The following CHKA variants were observed in gnomAD, a reference collection of about 807,000 sequenced individuals.
CHKA encodes CHETK-alpha.
Under a neutral mutation model 60.1 loss-of-function variants are expected in CHKA, and 34 were observed. The observed-to-expected ratio is 0.57, with a 90% confidence interval of 0.43 to 0.75. The LOEUF is 0.75. Among genes scored for constraint, CHKA ranks in the 30% least tolerant of loss-of-function variants. CHKA has a pLI of 0.00. For synonymous variants in CHKA, 217 were observed against 223.1 expected (o/e 0.97, Z 0.24); for missense variants, 563 against 561.3 (o/e 1.00, Z -0.03).
intron 4 of CHKA, among the ~76,000 whole-genome samples, chr11:68,073,469 C>T (rs1432335038): frequency 6.6e-6 from 1 of 152,134 alleles, no homozygotes; most frequent in African/African-American, 2.4e-5. Flanking sequence ...GCCTAGCCAA[C>T]ATGGAGAAAC....
intron 2 of CHKA, among the ~76,000 whole-genome samples, chr11:68,082,340 A>C (rs566177140): frequency 9.8e-5 from 15 of 152,316 alleles, no homozygotes; most frequent in Admixed American, 3.9e-4. Flanking sequence ...GTGTCACGTC[A>C]AACTTTTATA....
intron 2 of CHKA, 105 bp from the exon 3 acceptor site, chr11:68,081,562 C>T (rs531551554): frequency 1.1e-6 from 1 of 890,722 alleles, no homozygotes; most frequent in African/African-American, 1.7e-5. Context: ...CATCACAGGT[C>T]TTTAAGGAAG....
At chr11:68,068,977 A>C in intron 6 of CHKA, 40 bp from the exon 7 acceptor site, 10 of 1,502,722 alleles carry the variant, frequency 6.7e-6, no homozygotes, top group African/African-American at 2.7e-5. Context: ...CACGCTTCTC[A>C]GTCAGCTGCA....
chr11:68,097,216 G>T (rs1857543538), intron 1 of CHKA, 86 bp from the exon 2 acceptor site: 5 of 968,340 alleles, frequency 5.2e-6, no homozygotes, highest in Admixed American at 2.1e-5. Context: ...AAAAGTCAGG[G>T]TTACACAAGA....
chr11:68,112,876 A>T (rs1239659024), intron 1 of CHKA, among the ~76,000 whole-genome samples: 5 of 151,592 alleles, frequency 3.3e-5, no homozygotes, highest in Non-Finnish European at 7.4e-5. Flanking sequence ...AGGTCAGGAG[A>T]TCAAGACCAT....
intron 4 of CHKA, among the ~76,000 whole-genome samples, chr11:68,074,280 G>A (rs1856713990): frequency 6.6e-6 from 1 of 152,182 alleles, no homozygotes; most frequent in Non-Finnish European, 1.5e-5. Flanking sequence ...ATGGGAGGTA[G>A]GGAGACTCAG....
chr11:68,056,095 G>T (rs1218229757), intron 11 of CHKA, among the ~76,000 whole-genome samples: 3 of 152,148 alleles, frequency 2.0e-5, no homozygotes, highest in African/African-American at 7.2e-5. Context: ...GCTGAGTTAT[G>T]AGTTCTTTAT....
intron 1 of CHKA, among the ~76,000 whole-genome samples, chr11:68,101,554 T>C (rs1001770844): frequency 6.6e-6 from 1 of 151,290 alleles, no homozygotes; most frequent in African/African-American, 2.4e-5. Context: ...GCCCAGGAGG[T>C]CAAGGCTGGA....
intron 11 of CHKA, among the ~76,000 whole-genome samples, chr11:68,059,067 T>C (rs2134491175): frequency 6.6e-6 from 1 of 152,300 alleles, no homozygotes; most frequent in East Asian, 1.9e-4. Context: ...TGGCTAATTC[T>C]GTATTTTAGT....
chr11:68,073,620 C>T (rs551816151), intron 4 of CHKA, among the ~76,000 whole-genome samples: 57 of 152,236 alleles, frequency 3.7e-4, no homozygotes, highest in Non-Finnish European at 6.6e-4. Flanking sequence ...GACAGTGCCA[C>T]TGTCAACTAG....
chr11:68,087,997 C>T (rs1188446885), intron 2 of CHKA, among the ~76,000 whole-genome samples: 2 of 151,218 alleles, frequency 1.3e-5, no homozygotes, highest in African/African-American at 2.4e-5. Flanking sequence ...CCTGTAATCC[C>T]AGCTACTCAG....
intron 1 of CHKA, among the ~76,000 whole-genome samples, chr11:68,097,451 G>A (rs755000434): frequency 2.3e-4 from 35 of 151,930 alleles, no homozygotes; most frequent in Non-Finnish European, 4.0e-4. Context: ...TGGCTAACAC[G>A]GTGAAACCCC....
intron 1 of CHKA, among the ~76,000 whole-genome samples, chr11:68,098,703 TA>T (rs1293276052): frequency 6.6e-6 from 1 of 152,174 alleles, no homozygotes. Context: ...TTTATTTATT[TA>T]TTTTTTTCAG....
rs1401293191 is a variant in CHKA, at chr11:68,116,530, G to A, written c.350+4298C>T. Among the ~76,000 whole-genome samples, 4 of 151,990 alleles carry A rather than the reference G, an allele frequency of 2.6e-5. No individual in the cohort carries two copies. In the East Asian group the frequency reaches 7.8e-4, roughly 29 times the overall value. On this transcript the variant is annotated intron_variant, in intron 1 of 11. Transcript: ENST00000265689. ...AGTTCAAGACCAGCCTGGCCAACAT[G>A]TGAAACCTTGTATCTACTAAAGATA...
chr11:68,105,050 GT>G (rs1857861785), intron 1 of CHKA, among the ~76,000 whole-genome samples: 1 of 151,736 alleles, frequency 6.6e-6, no homozygotes. Context: ...GCTGCAGTGA[GT>G]TGAGATCGTA....
chr11:68,120,716 CGGCT>C, intron 1 of CHKA, 108 bp downstream of exon 1: 1 of 205,924 alleles, frequency 4.9e-6, no homozygotes, highest in Non-Finnish European at 9.3e-6. Context: ...GCCCCGGCCC[CGGCT>C]CCCCCGGCCC....
rs865972858 is a variant in CHKA, at chr11:68,073,496, C to G, written c.630+1221G>C. On this transcript the variant is annotated intron_variant, in intron 4 of 11. Coordinates refer to ENST00000265689, the MANE Select transcript of CHKA (RefSeq NM_001277.3). ...TGGAGAAACCCTGTCTCTACTAAAA[C>G]ATAGCCAGGTGCCAGGGAGCAAACT... Among the ~76,000 whole-genome samples the G allele has an allele frequency of 6.6e-5, 10 of 152,242 alleles. No individual in the cohort carries two copies. In the South Asian group the frequency reaches 1.7e-3, roughly 25 times the overall value.
At chr11:68,094,517 G>A (rs1857441087) in intron 2 of CHKA, among the ~76,000 whole-genome samples, 1 of 152,144 alleles carries the variant, frequency 6.6e-6, no homozygotes, top group Admixed American at 6.5e-5. Context: ...CTACAGCCTG[G>A]GTGGCAAAGT....
intron 3 of CHKA, among the ~76,000 whole-genome samples, chr11:68,077,570 A>G (rs1183469648): frequency 6.6e-6 from 1 of 152,162 alleles, no homozygotes; most frequent in Non-Finnish European, 1.5e-5. Flanking sequence ...TTTGCCTAAA[A>G]CACACTTACT....
Sources: allele counts gnomAD v4.1 joint callset (sites outside exome capture counted in the v4.1 genomes callset), GRCh38; gene constraint gnomAD v4.1.1; transcripts MANE v1.5; gene names NCBI Gene and HGNC (gene_info 2026-07-23, HGNC 2026-07-21).